MAD2L2: variants seen among roughly 807,000 people sequenced by gnomAD.
MAD2L2 encodes the protein mitotic spindle assembly checkpoint protein MAD2B.
In MAD2L2, 17 loss-of-function variants were observed where a neutral mutation model predicts 30.5. The ratio of observed to expected loss-of-function variants is 0.56; its 90% CI spans 0.38 to 0.84. The LOEUF (loss-of-function observed/expected upper bound fraction) is 0.84. Ranked by LOEUF, MAD2L2 falls within the 40% of genes least tolerant of loss-of-function variation. The pLI is 0.00. For synonymous variants in MAD2L2, 101 were observed against 113.9 expected, an observed-to-expected ratio of 0.89 and a Z score of 0.72; for missense variants, 213 against 277.4, an observed-to-expected ratio of 0.77 and a Z score of 1.65.
chr1:11,685,732 G>A (rs186269600), upstream of MAD2L2, among the ~76,000 whole-genome samples: 7 of 152,140 alleles, frequency 4.6e-5, no homozygotes, highest in East Asian at 5.8e-4. Context: ...CAAGGTGGAC[G>A]GACCACTTGA....
At position 11,674,725 on chromosome 1, in the gene MAD2L2, A is replaced by T. The variant is rs1233402293; in HGVS notation, c.*50T>A. ...CCATGCAGCACTGCCCTAGGCGGGG[A>T]TCCCCCAAAGTCTGACAGTTTGGGC... On this transcript the variant is annotated 3_prime_UTR_variant, in exon 9 of 9. Transcript: ENST00000376692. This position sits in a 1 kb window ranked among gnomAD's most constrained non-coding sequence, Gnocchi z 6.1. 1.3e-6 allele frequency: 2 copies of T among 1,596,222 alleles called. No homozygotes were observed. The highest frequency in any genetic ancestry group is 1.7e-5 in the Admixed American group (1 of 59,896).
chr1:11,675,176 T>A lies in MAD2L2; in HGVS notation c.502-2A>T. On this transcript the variant is annotated splice_acceptor_variant, in intron 7 of 8. Coordinates refer to ENST00000376692, the MANE Select transcript of MAD2L2 (RefSeq NM_006341.4). LOFTEE classifies it high-confidence loss of function. ...ATCCGCCAGGATCCAGGGGAAATCC[T>A]AGGGAGGAGACAAAGGTCAGGGGGG... is the stretch of plus-strand genomic sequence containing the variant. The A allele has an allele frequency of 6.3e-7, 1 of 1,587,206 alleles. No homozygotes were observed. The highest frequency in any genetic ancestry group is 8.6e-7 in the Non-Finnish European group (1 of 1,164,904).
At chr1:11,677,714 G>T in intron 3 of MAD2L2, 100 bp from the exon 4 acceptor site, 1 of 935,278 alleles carries the variant, frequency 1.1e-6, no homozygotes, top group Non-Finnish European at 1.7e-6. Flanking sequence ...TCGGTCCGAG[G>T]CCCAGCAGCT....
At chr1:11,680,812 G>A (rs1288850624) in intron 1 of MAD2L2, 199 bp from the exon 2 acceptor site, 31 of 1,262,730 alleles carry the variant, frequency 2.5e-5, no homozygotes, top group Non-Finnish European at 3.1e-5. Flanking sequence ...TCTATCCACT[G>A]GCCGCCCGCG....
chr1:11,675,196 G>C (rs1416697709), intron 7 of MAD2L2, 22 bp from the exon 8 acceptor site: 1 of 1,528,206 alleles, frequency 6.5e-7, no homozygotes, highest in African/African-American at 1.4e-5. Context: ...ACAAAGGTCA[G>C]GGGGGTGACG....
chr1:11,676,348 G>C (rs1640768824), intron 5 of MAD2L2, among the ~76,000 whole-genome samples: 1 of 152,182 alleles, frequency 6.6e-6, no homozygotes, highest in Admixed American at 6.5e-5. Flanking sequence ...GATAAAGTCA[G>C]AATTCGGCGG....
In MAD2L2 at chr1:11,688,103, T is replaced by TGA. The variant is rs1214373261; in HGVS notation, c.-692+3308_-692+3309dup. 6.6e-6 allele frequency among the ~76,000 whole-genome samples: 1 copy of TGA among 152,200 alleles called. No individual in the cohort carries two copies. The highest frequency in any genetic ancestry group is 1.5e-5 in the Non-Finnish European group (1 of 68,040). ...ACTCCAAGGTTTTTCTCCTGGCTCA[T>TGA]GAATACTGGCCCACAGCTCTATCCT... On this transcript the variant is annotated intron_variant, in intron 1 of 10. Transcript: ENST00000235310. This position sits in a 1 kb window ranked among gnomAD's most constrained non-coding sequence, Gnocchi z 4.6.
At chr1:11,689,455 G>A (rs1182240659) in intron 1 of MAD2L2, among the ~76,000 whole-genome samples, 1 of 152,148 alleles carries the variant, frequency 6.6e-6, no homozygotes, top group Non-Finnish European at 1.5e-5. Flanking sequence ...AAGTTAGCGG[G>A]CATGGTGGTG....
At chr1:11,681,849 G>A (rs1290026171), upstream of MAD2L2, 1 of 152,162 alleles carries the variant, frequency 6.6e-6, no homozygotes, top group Non-Finnish European at 1.5e-5. Context: ...TCTTTATACA[G>A]ATAAGTCAAG....
At chr1:11,677,045 C>T (rs1640782527) in intron 4 of MAD2L2, 97 bp from the exon 5 acceptor site, 3 of 923,362 alleles carry the variant, frequency 3.2e-6, no homozygotes, top group Non-Finnish European at 5.3e-6. Context: ...GGAGAAACGG[C>T]CCACTCACAG....
rs1251954590 is a variant in MAD2L2, at chr1:11,690,750, G to C, written c.-692+663C>G. On this transcript the variant is annotated intron_variant, in intron 1 of 10. Coordinates refer to the MAD2L2 transcript ENST00000235310. This position sits in a 1 kb window ranked among gnomAD's most constrained non-coding sequence, Gnocchi z 4.2. ...CGTGGCCCCACCGACCCCGTCGTGAGTTATGGGAGGCACGGGACCCATAAC... is the reference window on the plus strand; with the variant it reads ...CGTGGCCCCACCGACCCCGTCGTGACTTATGGGAGGCACGGGACCCATAAC... Among the ~76,000 whole-genome samples, 1 of 152,156 alleles carries C rather than the reference G, an allele frequency of 6.6e-6. No homozygotes were observed. Among genetic ancestry groups the C allele is most frequent in the Admixed American group, 6.5e-5 (1 of 15,286 alleles).
rs962809599 is a variant in MAD2L2 at position 11,688,335 on chromosome 1, G to A, written c.-692+3078C>T. Among the ~76,000 whole-genome samples, 5 of 152,168 alleles carry A rather than the reference G, an allele frequency of 3.3e-5. No homozygotes were observed. The highest frequency in any genetic ancestry group is 2.0e-4 in the Admixed American group (3 of 15,274). On this transcript the variant is annotated intron_variant, in intron 1 of 10. Transcript: ENST00000235310. This position sits in a 1 kb window ranked among gnomAD's most constrained non-coding sequence, Gnocchi z 4.6. Reference sequence around the variant, plus strand: ...AGAACTTTGGGAGGCCGAGGCTGGCGAATCACCTGAGGTCAGGATATCGAG... The same window carrying A: ...AGAACTTTGGGAGGCCGAGGCTGGCAAATCACCTGAGGTCAGGATATCGAG...
chr1:11,690,189 T>TC lies in MAD2L2; in HGVS notation c.-692+1223dup, dbSNP rs1351552510. Among the ~76,000 whole-genome samples the TC allele has an allele frequency of 6.6e-6, 1 of 152,170 alleles. No individual in the cohort carries two copies. The highest frequency in any genetic ancestry group is 1.5e-5 in the Non-Finnish European group (1 of 68,028). On this transcript the variant is annotated intron_variant, in intron 1 of 10. Transcript: ENST00000235310. This position sits in a 1 kb window ranked among gnomAD's most constrained non-coding sequence, Gnocchi z 4.2. ...TTATCTTCTGTCTCCTTCACTAGAATCTGAGCTCCATGGGGGCAGGGATTC... is the reference window on the plus strand; with the variant it reads ...TTATCTTCTGTCTCCTTCACTAGAATCCTGAGCTCCATGGGGGCAGGGATTC...
At position 11,674,653 on chromosome 1, in the gene MAD2L2, G is replaced by C; in HGVS notation, c.*122C>G. The C allele has an allele frequency of 9.4e-7, 1 of 1,064,076 alleles. No individual in the cohort carries two copies. Among genetic ancestry groups the C allele is most frequent in the South Asian group, 1.4e-5 (1 of 71,010 alleles). 65.9% of individuals were successfully genotyped at this position (1,064,076 alleles called of 1,614,324 possible). A position where few individuals can be genotyped will look rare whatever the true frequency, so the allele number is the denominator to read the frequency against. On this transcript the variant is annotated 3_prime_UTR_variant, in exon 9 of 9. Transcript: ENST00000376692. This position sits in a 1 kb window ranked among gnomAD's most constrained non-coding sequence, Gnocchi z 6.1. ...GACCTGAGCGGCCCCGGGCTGGGGC[G>C]GGCGATCCACACACAGAGGCGATAA...
At position 11,674,728 on chromosome 1, in the gene MAD2L2, C is replaced by A. The variant is rs1337385125; in HGVS notation, c.*47G>T. 4 of 1,600,440 alleles carry A rather than the reference C, an allele frequency of 2.5e-6. No individual in the cohort carries two copies. Reference sequence around the variant, plus strand: ...TGCAGCACTGCCCTAGGCGGGGATCCCCCAAAGTCTGACAGTTTGGGCATC... The same window carrying A: ...TGCAGCACTGCCCTAGGCGGGGATCACCCAAAGTCTGACAGTTTGGGCATC... On this transcript the variant is annotated 3_prime_UTR_variant, in exon 9 of 9. Coordinates refer to ENST00000376692, the MANE Select transcript of MAD2L2 (RefSeq NM_006341.4). This position sits in a 1 kb window ranked among gnomAD's most constrained non-coding sequence, Gnocchi z 6.1.
rs755805030 is a variant in MAD2L2 at position 11,675,098 on chromosome 1, G to A, written c.578C>T (p.Thr193Met). ...DPRLIPLKTM[T>M]SDILKMQLYV... Reference sequence around the variant, plus strand: ...GAAGCTCACCTTTAAAATGTCCGACGTCATGGTTTTTAGTGGTATCAGCCG... The same window carrying A: ...GAAGCTCACCTTTAAAATGTCCGACATCATGGTTTTTAGTGGTATCAGCCG... The change falls in exon 8 of 9, where the codon ACG becomes ATG. Residue 193 changes from threonine to methionine, a missense_variant. Thr to Met is a moderately conservative substitution (Grantham distance 81, BLOSUM62 -1). Transcript: ENST00000376692. The A allele has an allele frequency of 4.4e-6, 7 of 1,596,614 alleles. No individual in the cohort carries two copies. Among genetic ancestry groups the A allele is most frequent in the East Asian group, 4.5e-5 (2 of 44,660 alleles).
chr1:11,679,802 C>T (rs534541509), intron 3 of MAD2L2, among the ~76,000 whole-genome samples: 1 of 152,076 alleles, frequency 6.6e-6, no homozygotes, highest in Non-Finnish European at 1.5e-5. Flanking sequence ...GCTGGGATTA[C>T]AGGTGTGAGC....
At position 11,674,895 on chromosome 1, in the gene MAD2L2, G is replaced by T. The variant is rs1413138250; in HGVS notation, c.595-79C>A. 1 of 1,534,684 alleles carries T rather than the reference G, an allele frequency of 6.5e-7. No homozygotes were observed. The highest frequency in any genetic ancestry group is 2.2e-5 in the East Asian group (1 of 44,476). On this transcript the variant is annotated intron_variant, in intron 8 of 8. Transcript: ENST00000376692. The surrounding 1 kb of genome is among the most constrained non-coding windows in gnomAD (Gnocchi z 6.1). The stretch of plus-strand genomic sequence containing the variant: ...CTGGAGGACACAGAAGCCCCTGGTG[G>T]GCAGACCTCCACCACAGGTGGGGCC...
At position 11,680,586 on chromosome 1, in the gene MAD2L2, G is replaced by C. The variant is rs758835270; in HGVS notation, c.16C>G (p.Arg6Gly). Residue 6 changes from arginine to glycine, a missense_variant, in exon 2 of 9, where the codon CGA becomes GGA. Transcript: ENST00000376692. ...CCTTGGCCAAAGTTGAGGTCTTGTC[G>C]TGTGAGCGTGGTCATCCTTCCCGCT... MTTLT[R>G]QDLNFGQVVA... 6.3e-7 allele frequency: 1 copy of C among 1,582,522 alleles called. No homozygotes were observed. The highest frequency in any genetic ancestry group is 2.3e-5 in the East Asian group (1 of 44,238).
Sources: gnomAD v4.1 joint callset for allele counts (sites outside exome capture counted in the v4.1 genomes callset) on GRCh38, gnomAD v4.1.1 for gene constraint, Gnocchi (gnomAD v3.1) non-coding constraint, MANE v1.5 for transcripts, NCBI Gene and HGNC (gene_info 2026-07-23, HGNC 2026-07-21) for gene names.